ERLIN1: variants seen among roughly 807,000 people sequenced by gnomAD.
ERLIN1 encodes ER lipid raft associated 1, also known as erlin-1.
Under a neutral mutation model 46.9 loss-of-function variants are expected in ERLIN1, and 24 were observed. That is an observed-to-expected ratio of 0.51 (90% CI 0.37 to 0.72). ERLIN1 has a LOEUF of 0.72. Among genes scored for constraint, ERLIN1 ranks in the 30% least tolerant of loss-of-function variants. The pLI is 0.00. For synonymous variants in ERLIN1, 158 were observed against 143.2 expected, an observed-to-expected ratio of 1.10 and a Z score of -0.74; for missense variants, 293 against 417.9, an observed-to-expected ratio of 0.70 and a Z score of 2.61.
intron 8 of ERLIN1, among the ~76,000 whole-genome samples, chr10:100,158,123 T>C (rs536597257): frequency 1.3e-5 from 2 of 152,232 alleles, no homozygotes; most frequent in Admixed American, 6.5e-5. Flanking sequence ...GACCAGGAGA[T>C]GAGGCCTTGT....
Position 100,185,647 on chromosome 10 carries a change from G to A in ERLIN1, c.-21C>T, listed in dbSNP as rs753572492. The stretch of plus-strand genomic sequence containing the variant: ...TTCATTCTCGTTCCTCCTGGGAGCG[G>A]GAGAAAAGGACCCTCAGTCCCGTGA... On this transcript the variant is annotated 5_prime_UTR_variant, in exon 1 of 11. Coordinates refer to ENST00000421367, the MANE Select transcript of ERLIN1 (RefSeq NM_006459.4). 1.3e-6 allele frequency: 2 copies of A among 1,591,530 alleles called. No homozygotes were observed. The highest frequency in any genetic ancestry group is 8.6e-7 in the Non-Finnish European group (1 of 1,159,566).
chr10:100,173,483 T>C (rs900716444), intron 6 of ERLIN1, among the ~76,000 whole-genome samples: 2 of 152,190 alleles, frequency 1.3e-5, no homozygotes, highest in Admixed American at 1.3e-4. Context: ...TATTCCATTT[T>C]ATTTAAAATG....
At chr10:100,155,671 C>G (rs927358312) in intron 9 of ERLIN1, among the ~76,000 whole-genome samples, 1 of 151,964 alleles carries the variant, frequency 6.6e-6, no homozygotes, top group Non-Finnish European at 1.5e-5. Context: ...CCCGCCACCA[C>G]GCCCGGCTAA....
Position 100,150,753 on chromosome 10 carries a change from T to C in ERLIN1, c.*1378A>G, listed in dbSNP as rs1363377202. 1 of 152,208 alleles carries C rather than the reference T, an allele frequency of 6.6e-6. No homozygotes were observed. Among genetic ancestry groups the C allele is most frequent in the Non-Finnish European group, 1.5e-5 (1 of 67,970 alleles). 9.4% of individuals were successfully genotyped at this position (152,208 alleles called of 1,614,324 possible). ...AGCTTCAACATAGCGTACACAAGAG[T>C]TGTCTTAACAAGCTGCACAAACTCA... On this transcript the variant is annotated 3_prime_UTR_variant, in exon 11 of 11. Coordinates refer to ENST00000421367, the MANE Select transcript of ERLIN1 (RefSeq NM_006459.4).
Position 100,174,203 on chromosome 10 carries a change from C to T in ERLIN1, c.504+5G>A. The T allele has an allele frequency of 6.4e-7, 1 of 1,552,352 alleles. No individual in the cohort carries two copies. Among genetic ancestry groups the T allele is most frequent in the Non-Finnish European group, 8.7e-7 (1 of 1,143,566 alleles). On this transcript the variant is annotated splice_donor_5th_base_variant and intron_variant, in intron 6 of 10. Transcript: ENST00000421367. ...CCAGAGAACTTCCCTAGGAAAAGAA[C>T]TTACCTGTATAGTGAGACCTGGGGC...
chr10:100,160,585 A>G (rs1290616187), intron 8 of ERLIN1, among the ~76,000 whole-genome samples: 1 of 152,214 alleles, frequency 6.6e-6, no homozygotes, highest in Admixed American at 6.5e-5. Context: ...TGTCCCAGAA[A>G]CACAAAGATA....
chr10:100,155,697 G>A (rs567156812), intron 9 of ERLIN1, among the ~76,000 whole-genome samples: 310 of 152,076 alleles, frequency 2.0e-3, no homozygotes, highest in African/African-American at 7.3e-3. Flanking sequence ...TGTATTTTTA[G>A]TAGAGACGGG....
At chr10:100,157,656 A>G (rs189309985) in intron 8 of ERLIN1, among the ~76,000 whole-genome samples, 69 of 152,332 alleles carry the variant, frequency 4.5e-4, no homozygotes, top group African/African-American at 1.5e-3. Flanking sequence ...AAATCAATCT[A>G]TATTACACCA....
chr10:100,172,672 C>A (rs1291568409), intron 6 of ERLIN1, among the ~76,000 whole-genome samples: 4 of 152,106 alleles, frequency 2.6e-5, no homozygotes, highest in Non-Finnish European at 5.9e-5. Flanking sequence ...TGATTGCTTC[C>A]AATGTTGGTG....
In ERLIN1 at chr10:100,178,131, A is replaced by G; in HGVS notation, c.304+2T>C. The stretch of plus-strand genomic sequence containing the variant: ...AAAACCACAGGTAGATGGGTAACAT[A>G]CCTGCATAAGGAGCCAACATATTAA... On this transcript the variant is annotated splice_donor_variant, in intron 4 of 10. Coordinates refer to ENST00000421367, the MANE Select transcript of ERLIN1 (RefSeq NM_006459.4). LOFTEE classifies it high-confidence loss of function. The G allele has an allele frequency of 6.4e-7, 1 of 1,566,446 alleles. No individual in the cohort carries two copies.
chr10:100,162,537 C>T (rs1174158649), intron 8 of ERLIN1, among the ~76,000 whole-genome samples: 1 of 152,076 alleles, frequency 6.6e-6, no homozygotes, highest in African/African-American at 2.4e-5. Flanking sequence ...ACCCTATGAC[C>T]CATCAATTCT....
In ERLIN1 at chr10:100,165,014, G is replaced by A. The variant is rs574124259; in HGVS notation, c.564-919C>T. ...AAATCCAAAATTTAAAATACTTCTG[G>A]TCCCAAGCATTTCGGATAAGGGGTA... On this transcript the variant is annotated intron_variant, in intron 7 of 10. Transcript: ENST00000421367. 1.2e-4 allele frequency among the ~76,000 whole-genome samples: 19 copies of A among 152,152 alleles called. No individual in the cohort carries two copies. The South Asian group carries it at 3.9e-3, about 32-fold the overall frequency.
At chr10:100,178,253 G>T in intron 3 of ERLIN1, 59 bp from the exon 4 acceptor site, 1 of 1,063,312 alleles carries the variant, frequency 9.4e-7, no homozygotes, top group Non-Finnish European at 1.4e-6. Context: ...CACAGTTATA[G>T]ATAGACCTGG....
At position 100,154,990 on chromosome 10, in the gene ERLIN1, G is replaced by C. The variant is rs370033192; in HGVS notation, c.746-51C>G. 3.4e-6 allele frequency: 5 copies of C among 1,456,792 alleles called. No individual in the cohort carries two copies. The South Asian group carries it at 3.4e-5, about 10-fold the overall frequency. The allele number at this position is 1,456,792 out of a possible 1,614,324, so 90.2% of individuals were successfully genotyped here. A position where few individuals can be genotyped will look rare whatever the true frequency, so the allele number is the denominator to read the frequency against. Reference sequence around the variant, plus strand: ...TCAATCCATTCCCTCAGCTAGTTAAGAGTCCCTTTCCCCACTGCTTAATAT... The same window carrying C: ...TCAATCCATTCCCTCAGCTAGTTAACAGTCCCTTTCCCCACTGCTTAATAT... On this transcript the variant is annotated intron_variant, in intron 9 of 10. Coordinates refer to ENST00000421367, the MANE Select transcript of ERLIN1 (RefSeq NM_006459.4).
At chr10:100,183,168 C>T (rs568960950) in intron 2 of ERLIN1, among the ~76,000 whole-genome samples, 17 of 152,304 alleles carry the variant, frequency 1.1e-4, no homozygotes, top group Admixed American at 1.3e-4. Context: ...CTGGTTTTGT[C>T]ATCTTGTTAC....
At chr10:100,160,010 T>C (rs923697351) in intron 8 of ERLIN1, among the ~76,000 whole-genome samples, 1 of 151,910 alleles carries the variant, frequency 6.6e-6, no homozygotes, top group African/African-American at 2.4e-5. Flanking sequence ...GCAAAATTGA[T>C]ACAGCAAAAG....
At chr10:100,184,261 G>A (rs888464200) in intron 1 of ERLIN1, among the ~76,000 whole-genome samples, 1 of 152,012 alleles carries the variant, frequency 6.6e-6, no homozygotes, top group Non-Finnish European at 1.5e-5. Context: ...AAACTTTGAA[G>A]TAAAGAGAAA....
intron 2 of ERLIN1, 46 bp from the exon 3 acceptor site, chr10:100,179,293 C>CA: frequency 1.5e-6 from 2 of 1,362,706 alleles, no homozygotes; most frequent in Non-Finnish European, 2.1e-6. Context: ...CACACATTGT[C>CA]AAAAAACTAC....
chr10:100,177,615 A>G (rs765636256), intron 4 of ERLIN1, among the ~76,000 whole-genome samples: 1 of 152,204 alleles, frequency 6.6e-6, no homozygotes, highest in East Asian at 1.9e-4. Flanking sequence ...ATAAGACGGT[A>G]TATCTTTCTT....
Sources: allele counts gnomAD v4.1 joint callset (sites outside exome capture counted in the v4.1 genomes callset), GRCh38; gene constraint gnomAD v4.1.1; transcripts MANE v1.5; gene names NCBI Gene and HGNC (gene_info 2026-07-23, HGNC 2026-07-21).